The following MCF2 variants were observed in gnomAD, a reference collection of about 807,000 sequenced individuals.
MCF2 encodes the protein proto-oncogene DBL.
In MCF2, 44 loss-of-function variants were observed where a neutral mutation model predicts 82.5. The observed-to-expected ratio is 0.53, with a 90% CI of 0.42 to 0.69. The LOEUF (loss-of-function observed/expected upper bound fraction) is 0.69, where lower values mean the gene tolerates loss of function less well. Ranked by LOEUF, MCF2 falls within the 30% of genes least tolerant of loss-of-function variation. The pLI, the probability that MCF2 is intolerant of heterozygous loss-of-function variation, is 0.00. For missense variants in MCF2, 623 were observed against 663.1 expected (o/e 0.94, Z 0.66); for synonymous variants, 217 against 224.9 (o/e 0.96, Z 0.32).
intron 1 of MCF2, among the ~76,000 whole-genome samples, chrX:139,706,175 C>CTT (rs1935586627): frequency 8.9e-6 from 1 of 112,660 alleles, no homozygotes; most frequent in South Asian, 3.6e-4. Context: ...TCTGAAAGAA[C>CTT]TTAAAACAAT....
chrX:139,632,256 C>T lies in MCF2; in HGVS notation c.171+79G>A, dbSNP rs760192475. 1.4e-4 allele frequency: 111 copies of T among 773,184 alleles called. No homozygotes were observed. In the East Asian group the frequency reaches 3.9e-3, roughly 27 times the overall value. 63.7% of individuals were successfully genotyped at this position (773,184 alleles called of 1,213,427 possible). A position where few individuals can be genotyped will look rare whatever the true frequency, so the allele number is the denominator to read the frequency against. On this transcript the variant is annotated intron_variant, in intron 2 of 24. Transcript: ENST00000370576. ...TTTTTTCTTTTAAATGACACATGGG[C>T]ACATGTAAAATATAAACAGCATGGT...
At chrX:139,705,147 A>G (rs1935566882) in intron 1 of MCF2, among the ~76,000 whole-genome samples, 1 of 111,284 alleles carries the variant, frequency 9.0e-6, no homozygotes, top group Admixed American at 9.6e-5. Context: ...CCCCATCTCT[A>G]CTAAAACATA....
intron 6 of MCF2, among the ~76,000 whole-genome samples, chrX:139,620,407 C>T (rs1361121513): frequency 9.0e-6 from 1 of 111,210 alleles, no homozygotes; most frequent in East Asian, 2.8e-4. Flanking sequence ...AACTAGGAAT[C>T]AGAAAAGAAG....
chrX:139,649,047 A>G (rs1404697178), intron 2 of MCF2, among the ~76,000 whole-genome samples: 4 of 112,351 alleles, frequency 3.6e-5, no homozygotes, highest in Non-Finnish European at 3.8e-5. Context: ...CTCAACCAAC[A>G]TGACCTAATT....
At chrX:139,681,101 T>C (rs1934987485) in intron 1 of MCF2, among the ~76,000 whole-genome samples, 1 of 112,489 alleles carries the variant, frequency 8.9e-6, no homozygotes, top group Non-Finnish European at 1.9e-5. Context: ...AGTCTCAGAA[T>C]ACATATACCT....
chrX:139,659,285 A>T (rs1934290219), intron 1 of MCF2, among the ~76,000 whole-genome samples: 1 of 105,720 alleles, frequency 9.5e-6, no homozygotes, highest in Admixed American at 1.0e-4. Context: ...GACTTCGTCT[A>T]AAAAAAAAAA....
rs1934199330 is a variant in MCF2 at position 139,656,325 on chromosome X, G to T, written c.-44-4537C>A. 1.8e-5 allele frequency among the ~76,000 whole-genome samples: 2 copies of T among 112,071 alleles called. 1 individual carries two copies. The highest frequency in any genetic ancestry group is 7.5e-4 in the South Asian group (2 of 2,650). On this transcript the variant is annotated intron_variant, in intron 1 of 27. Transcript: ENST00000414978. ...GATCCGCCCGCCTCGGCCTCCCAAA[G>T]TGCTGGGATTACAGGCGTGAGCCAC...
intron 2 of MCF2, among the ~76,000 whole-genome samples, chrX:139,650,357 AAAT>A (rs1933956328): frequency 9.0e-6 from 1 of 110,850 alleles, no homozygotes; most frequent in African/African-American, 3.3e-5. Context: ...TTGTCTTTAA[AAAT>A]AATAATAATG....
chrX:139,604,075 G>C (rs998145645), intron 15 of MCF2, among the ~76,000 whole-genome samples: 1 of 110,656 alleles, frequency 9.0e-6, no homozygotes, highest in Non-Finnish European at 1.9e-5. Context: ...TATTCTAAAA[G>C]AAAACTAATG....
intron 1 of MCF2, among the ~76,000 whole-genome samples, chrX:139,677,029 TGATAA>T (rs1162759241): frequency 1.8e-5 from 2 of 111,951 alleles, no homozygotes; most frequent in African/African-American, 6.5e-5. Context: ...CAGCAGCTCC[TGATAA>T]GATCTCAGGA....
rs143319787 is a variant in MCF2 at position 139,688,103 on chromosome X, A to T, written c.-45+20003T>A. Among the ~76,000 whole-genome samples the T allele has an allele frequency of 4.5e-3, 506 of 111,920 alleles. 2 individuals carry two copies. The highest frequency in any genetic ancestry group is 7.9e-3 in the Non-Finnish European group (421 of 53,198). On this transcript the variant is annotated intron_variant, in intron 1 of 27. Coordinates refer to the MCF2 transcript ENST00000414978. ...ATATCAGCTAACAGAGAGGAAATCT[A>T]CGGAAAAGTTAGAGGGTAAAAGTCA... is the stretch of plus-strand genomic sequence containing the variant.
At chrX:139,613,804 A>G (rs1039648429) in intron 10 of MCF2, among the ~76,000 whole-genome samples, 1 of 111,050 alleles carries the variant, frequency 9.0e-6, no homozygotes, top group African/African-American at 3.3e-5. Flanking sequence ...TATCTTTGCT[A>G]TATCTTTGAT....
chrX:139,655,257 C>G (rs1160504289), intron 1 of MCF2, among the ~76,000 whole-genome samples: 2 of 112,100 alleles, frequency 1.8e-5, no homozygotes, highest in Non-Finnish European at 3.8e-5. Flanking sequence ...AATATTAATT[C>G]TTCCAATCCA....
Position 139,636,205 on chromosome X carries a change from C to CTAT in MCF2, c.52-3754_52-3752dup, listed in dbSNP as rs778454189. The stretch of plus-strand genomic sequence containing the variant: ...ACAGGGACTTGTGGGAACTTTTGGC[C>CTAT]TATTTTTAAGTGGAAAGCACAGATT... On this transcript the variant is annotated intron_variant, in intron 1 of 24. Transcript: ENST00000370576. Among the ~76,000 whole-genome samples the CTAT allele has an allele frequency of 1.5e-3, 163 of 110,884 alleles. 1 individual carries two copies. The highest frequency in any genetic ancestry group is 5.1e-3 in the African/African-American group (157 of 30,567).
In MCF2 at chrX:139,672,388, G is replaced by A. The variant is rs775751869; in HGVS notation, c.-44-20600C>T. Among the ~76,000 whole-genome samples the A allele has an allele frequency of 3.6e-4, 40 of 112,641 alleles. 1 individual carries two copies. In the Admixed American group the frequency reaches 3.6e-3, roughly 10 times the overall value. ...TGGTGAGAGGGGGCACCCCTGTGTT[G>A]TGCCAGTTTTCAAAGGAAATGCTTC... On this transcript the variant is annotated intron_variant, in intron 1 of 27. Coordinates refer to the MCF2 transcript ENST00000414978.
At chrX:139,682,007 G>A (rs1935010173) in intron 1 of MCF2, among the ~76,000 whole-genome samples, 1 of 111,565 alleles carries the variant, frequency 9.0e-6, no homozygotes. Flanking sequence ...GGAAATAAAA[G>A]ATACTTCCCT....
intron 8 of MCF2, among the ~76,000 whole-genome samples, chrX:139,616,795 C>CT (rs112546392): frequency 0.02 from 2,241 of 111,521 alleles, 59 homozygotes; most frequent in African/African-American, 0.068. Flanking sequence ...AGCACTAACA[C>CT]TTAGTTGCAT....
chrX:139,615,373 T>C (rs1484542540), intron 9 of MCF2, among the ~76,000 whole-genome samples: 7 of 111,845 alleles, frequency 6.3e-5, no homozygotes, highest in Non-Finnish European at 1.1e-4. Context: ...TGCTCTTTCC[T>C]GTTTAGCATA....
intron 1 of MCF2, among the ~76,000 whole-genome samples, chrX:139,670,001 A>G (rs1301998533): frequency 8.9e-6 from 1 of 111,966 alleles, no homozygotes. Flanking sequence ...CTCTGCGAAT[A>G]TGCTAAAAAC....
Sources: gnomAD v4.1 joint callset for allele counts (sites outside exome capture counted in the v4.1 genomes callset) on GRCh38, gnomAD v4.1.1 for gene constraint, MANE v1.5 for transcripts, NCBI Gene and HGNC (gene_info 2026-07-23, HGNC 2026-07-21) for gene names.